The following JAKMIP1 variants were observed in gnomAD, a reference collection of about 807,000 sequenced individuals.
JAKMIP1 encodes janus kinase and microtubule-interacting protein 1.
JAKMIP1 carries 33 observed loss-of-function variants against 113.0 expected under a neutral mutation model. The observed-to-expected ratio is 0.29, with a 90% CI of 0.22 to 0.39. The LOEUF (loss-of-function observed/expected upper bound fraction) is 0.39, where lower values mean the gene tolerates loss of function less well. JAKMIP1 is among the 10% of genes least tolerant of loss of function. JAKMIP1 has a pLI of 1.00. For synonymous variants in JAKMIP1, 480 were observed against 459.9 expected (o/e 1.04, Z -0.56); for missense variants, 813 against 1,080.5 (o/e 0.75, Z 3.47).
chr4:6,061,025 T>C lies in JAKMIP1; in HGVS notation c.1561-518A>G, dbSNP rs1717193635. Among the ~76,000 whole-genome samples, 1 of 152,136 alleles carries C rather than the reference T, an allele frequency of 6.6e-6. No individual in the cohort carries two copies. Among genetic ancestry groups the C allele is most frequent in the South Asian group, 2.1e-4 (1 of 4,816 alleles). On this transcript the variant is annotated intron_variant, in intron 10 of 20. Transcript: ENST00000409021. This position sits in a 1 kb window ranked among gnomAD's most constrained non-coding sequence, Gnocchi z 5.3. ...ATAAATAAGGGAAGTCAACTGGGTGTGGGGTAACAGGGAGTGGTGGGGACT... is the reference window on the plus strand; with the variant it reads ...ATAAATAAGGGAAGTCAACTGGGTGCGGGGTAACAGGGAGTGGTGGGGACT...
At chr4:6,171,780 C>T (rs1035944911) in intron 1 of JAKMIP1, among the ~76,000 whole-genome samples, 5 of 152,162 alleles carry the variant, frequency 3.3e-5, no homozygotes, top group South Asian at 2.1e-4. Flanking sequence ...CTGCCTGGCA[C>T]GGAATCGAGG....
chr4:6,168,610 G>A lies in JAKMIP1; in HGVS notation c.-148+31643C>T, dbSNP rs566942481. Among the ~76,000 whole-genome samples, 1 of 152,268 alleles carries A rather than the reference G, an allele frequency of 6.6e-6. No homozygotes were observed. The highest frequency in any genetic ancestry group is 2.4e-5 in the African/African-American group (1 of 41,556). On this transcript the variant is annotated intron_variant, in intron 1 of 20. Coordinates refer to ENST00000409021, the MANE Select transcript of JAKMIP1 (RefSeq NM_001099433.2). The surrounding 1 kb of genome is among the most constrained non-coding windows in gnomAD (Gnocchi z 4.6). ...TAGAATAGGGAAATCCATAGGGATG[G>A]CCAGGCACGGTGGCTCACACCTGTA...
chr4:6,170,406 C>A (rs570743203), intron 1 of JAKMIP1, among the ~76,000 whole-genome samples: 1 of 151,428 alleles, frequency 6.6e-6, no homozygotes. Context: ...TCTATCACTA[C>A]CGCCACCACC....
At chr4:6,196,722 A>T (rs769270872) in intron 1 of JAKMIP1, among the ~76,000 whole-genome samples, 6 of 152,162 alleles carry the variant, frequency 3.9e-5, no homozygotes, top group African/African-American at 1.2e-4. Flanking sequence ...TTAGCCAGGC[A>T]TGGTGGCAGG....
At position 6,142,736 on chromosome 4, in the gene JAKMIP1, G is replaced by C. The variant is rs1182710551; in HGVS notation, c.-147-29739C>G. On this transcript the variant is annotated intron_variant, in intron 1 of 20. Coordinates refer to ENST00000409021, the MANE Select transcript of JAKMIP1 (RefSeq NM_001099433.2). This position sits in a 1 kb window ranked among gnomAD's most constrained non-coding sequence, Gnocchi z 5.5. Reference sequence around the variant, plus strand: ...ATGGATGGGGTGCTCTGGCCCCGGGGCCTGGCCGCAGGCAGAGATCAGTTC... The same window carrying C: ...ATGGATGGGGTGCTCTGGCCCCGGGCCCTGGCCGCAGGCAGAGATCAGTTC... 3.9e-5 allele frequency among the ~76,000 whole-genome samples: 6 copies of C among 152,230 alleles called. No individual in the cohort carries two copies. Among genetic ancestry groups the C allele is most frequent in the African/African-American group, 1.4e-4 (6 of 41,466 alleles).
chr4:6,195,725 C>G (rs1396281674), intron 1 of JAKMIP1, among the ~76,000 whole-genome samples: 1 of 152,212 alleles, frequency 6.6e-6, no homozygotes, highest in Non-Finnish European at 1.5e-5. Flanking sequence ...GCGCCTCCCT[C>G]TGGGACTGAA....
chr4:6,061,732 G>A lies in JAKMIP1; in HGVS notation c.1560+580C>T, dbSNP rs1241439559. Among the ~76,000 whole-genome samples the A allele has an allele frequency of 5.9e-5, 9 of 152,264 alleles. No individual in the cohort carries two copies. Among genetic ancestry groups the A allele is most frequent in the Admixed American group, 3.9e-4 (6 of 15,292 alleles). On this transcript the variant is annotated intron_variant, in intron 10 of 20. Transcript: ENST00000409021. The surrounding 1 kb of genome is among the most constrained non-coding windows in gnomAD (Gnocchi z 5.3). Reference sequence around the variant, plus strand: ...AGGGAAGCACCCGTGTGTGCTCTCCGGGAGTCCTCCACACTCCCAGGAGGA... The same window carrying A: ...AGGGAAGCACCCGTGTGTGCTCTCCAGGAGTCCTCCACACTCCCAGGAGGA...
At position 6,076,316 on chromosome 4, in the gene JAKMIP1, G is replaced by A. The variant is rs1043258648; in HGVS notation, c.1302+2623C>T. Among the ~76,000 whole-genome samples the A allele has an allele frequency of 1.3e-5, 2 of 152,186 alleles. No individual in the cohort carries two copies. Among genetic ancestry groups the A allele is most frequent in the African/African-American group, 4.8e-5 (2 of 41,442 alleles). On this transcript the variant is annotated intron_variant, in intron 8 of 20. Transcript: ENST00000409021. The surrounding 1 kb of genome is among the most constrained non-coding windows in gnomAD (Gnocchi z 4.8). The stretch of plus-strand genomic sequence containing the variant: ...TTTGCCCCGTGTTCGACTTGGCTTG[G>A]TGGGAAAAGCTTGGGCCTTGTAGTC...
intron 1 of JAKMIP1, among the ~76,000 whole-genome samples, chr4:6,198,988 T>C (rs1159407593): frequency 6.6e-6 from 1 of 152,192 alleles, no homozygotes; most frequent in Non-Finnish European, 1.5e-5. Context: ...CCCCACCTCC[T>C]CCTCTGCTCT....
At chr4:6,057,321 C>T (rs529656697) in intron 11 of JAKMIP1, among the ~76,000 whole-genome samples, 3 of 152,318 alleles carry the variant, frequency 2.0e-5, no homozygotes, top group South Asian at 2.1e-4. Context: ...AATAAGTAAA[C>T]GCATGGGAAG....
chr4:6,039,900 T>G (rs1355561105), intron 18 of JAKMIP1, among the ~76,000 whole-genome samples: 1 of 152,214 alleles, frequency 6.6e-6, no homozygotes, highest in Non-Finnish European at 1.5e-5. Context: ...ATTTTGTAGG[T>G]GCAAACCCAT....
At chr4:6,057,070 G>A (rs1343156700) in intron 11 of JAKMIP1, among the ~76,000 whole-genome samples, 2 of 152,148 alleles carry the variant, frequency 1.3e-5, no homozygotes, top group South Asian at 2.1e-4. Context: ...CCACGCATGC[G>A]GAAGGCTGAC....
chr4:6,171,411 CCAT>C (rs1414484384), intron 1 of JAKMIP1, among the ~76,000 whole-genome samples: 11 of 151,766 alleles, frequency 7.2e-5, no homozygotes, highest in African/African-American at 1.7e-4. Context: ...CCAACCACCA[CCAT>C]CATCACCACT....
intron 19 of JAKMIP1, among the ~76,000 whole-genome samples, chr4:6,034,002 T>C (rs549322159): frequency 6.6e-6 from 1 of 152,138 alleles, no homozygotes; most frequent in Admixed American, 6.5e-5. Context: ...CATCCAGCTG[T>C]TTTGTCTCTG....
intron 5 of JAKMIP1, among the ~76,000 whole-genome samples, chr4:6,082,930 A>C (rs1375331733): frequency 1.3e-5 from 2 of 152,186 alleles, no homozygotes; most frequent in South Asian, 2.1e-4. Flanking sequence ...ACTGATGGGG[A>C]GTGATGTAAT....
intron 18 of JAKMIP1, among the ~76,000 whole-genome samples, chr4:6,038,683 A>G (rs1014011323): frequency 2.0e-5 from 3 of 151,942 alleles, no homozygotes; most frequent in African/African-American, 7.3e-5. Flanking sequence ...AGCTCTACCC[A>G]CCCCAACAGT....
chr4:6,030,449 C>T (rs1712473404), intron 19 of JAKMIP1, among the ~76,000 whole-genome samples: 1 of 152,216 alleles, frequency 6.6e-6, no homozygotes, highest in African/African-American at 2.4e-5. Context: ...CTTGGCACCG[C>T]ACCTGCAGAA....
intron 20 of JAKMIP1, among the ~76,000 whole-genome samples, chr4:6,028,269 C>T (rs891065991): frequency 2.6e-5 from 4 of 152,326 alleles, no homozygotes; most frequent in Admixed American, 6.5e-5. Flanking sequence ...GGCTGGTAGG[C>T]GTGGGCATCT....
chr4:6,105,992 C>A, intron 2 of JAKMIP1, 25 bp from the exon 3 acceptor site: 2 of 1,502,728 alleles, frequency 1.3e-6, no homozygotes, highest in Non-Finnish European at 1.8e-6. Context: ...GCGAGAGAGC[C>A]GGTCAGGGTC....
Sources: gnomAD v4.1 joint callset for allele counts (sites outside exome capture counted in the v4.1 genomes callset) on GRCh38, gnomAD v4.1.1 for gene constraint, Gnocchi (gnomAD v3.1) non-coding constraint, MANE v1.5 for transcripts, NCBI Gene and HGNC (gene_info 2026-07-23, HGNC 2026-07-21) for gene names.